The following PSPC1 variants were observed in gnomAD, a reference collection of about 807,000 sequenced individuals.
PSPC1 encodes the protein paraspeckle protein 1.
PSPC1 carries 14 observed loss-of-function variants against 51.6 expected under a neutral mutation model. That is an observed-to-expected ratio of 0.27 (90% CI 0.18 to 0.42). The LOEUF is 0.42. Among genes scored for constraint, PSPC1 ranks in the 10% least tolerant of loss-of-function variants. The pLI is 1.00. For synonymous variants in PSPC1, 193 were observed against 231.9 expected, an observed-to-expected ratio of 0.83 and a Z score of 1.53; for missense variants, 406 against 701.1, an observed-to-expected ratio of 0.58 and a Z score of 4.75.
intron 6 of PSPC1, among the ~76,000 whole-genome samples, chr13:19,688,177 T>C (rs1033296187): frequency 2.6e-5 from 4 of 152,126 alleles, no homozygotes; most frequent in African/African-American, 9.7e-5. Context: ...CCAACTATTG[T>C]ATCTTATATG....
chr13:19,728,519 A>C (rs1404207492), intron 6 of PSPC1, among the ~76,000 whole-genome samples: 1 of 151,822 alleles, frequency 6.6e-6, no homozygotes, highest in Non-Finnish European at 1.5e-5. Context: ...TTCTCCAAAG[A>C]CAGTTTTCAA....
At chr13:19,691,951 C>T (rs991662323) in intron 6 of PSPC1, among the ~76,000 whole-genome samples, 2 of 151,966 alleles carry the variant, frequency 1.3e-5, no homozygotes, top group East Asian at 1.9e-4. Context: ...ATCTGGGAGA[C>T]GGAGGAACCA....
intron 1 of PSPC1, among the ~76,000 whole-genome samples, chr13:19,773,960 T>C (rs1035075352): frequency 6.6e-6 from 1 of 152,130 alleles, no homozygotes; most frequent in African/African-American, 2.4e-5. Context: ...CCCTAGCCAA[T>C]GTCTTCTTAA....
At chr13:19,748,668 C>T (rs183297399) in intron 4 of PSPC1, among the ~76,000 whole-genome samples, 1 of 151,630 alleles carries the variant, frequency 6.6e-6, no homozygotes, top group Non-Finnish European at 1.5e-5. Flanking sequence ...TACCACTGTT[C>T]GTAGCATCAA....
downstream of PSPC1, among the ~76,000 whole-genome samples, chr13:19,700,048 T>A (rs566313033): frequency 6.0e-4 from 92 of 152,160 alleles, no homozygotes; most frequent in African/African-American, 2.2e-3. Flanking sequence ...GCTTTTACCA[T>A]AATATGATCA....
intron 3 of PSPC1, among the ~76,000 whole-genome samples, chr13:19,754,995 G>A (rs1593719939): frequency 6.6e-6 from 1 of 152,154 alleles, no homozygotes; most frequent in Non-Finnish European, 1.5e-5. Context: ...CACTTTGAGA[G>A]GCCAATGCAG....
intron 5 of PSPC1, among the ~76,000 whole-genome samples, chr13:19,733,410 C>A (rs1476531689): frequency 1.3e-5 from 2 of 152,002 alleles, no homozygotes; most frequent in Non-Finnish European, 2.9e-5. Context: ...GAGGTGGAGG[C>A]AGAAGCGAAG....
downstream of PSPC1, among the ~76,000 whole-genome samples, chr13:19,698,416 A>G (rs900199276): frequency 7.9e-5 from 12 of 152,134 alleles, no homozygotes; most frequent in South Asian, 2.1e-4. Context: ...TTATATTACT[A>G]TCAACACAAT....
chr13:19,777,429 CAAAAAAAA>C (rs397938970), intron 1 of PSPC1, among the ~76,000 whole-genome samples: 1,280 of 47,902 alleles, frequency 0.027, 16 homozygotes, highest in Middle Eastern at 0.042. Context: ...GACCTCAGCT[CAAAAAAAA>C]AAAAAAAAAA....
chr13:19,719,625 C>T (rs1370116727), intron 6 of PSPC1, among the ~76,000 whole-genome samples: 2 of 152,156 alleles, frequency 1.3e-5, no homozygotes, highest in Non-Finnish European at 2.9e-5. Context: ...CAAATACATT[C>T]AACAATGTAT....
chr13:19,765,210 G>C (rs949107710), intron 2 of PSPC1, among the ~76,000 whole-genome samples: 2 of 151,528 alleles, frequency 1.3e-5, no homozygotes. Context: ...TGTAATCACA[G>C]CTACTCAGGA....
At chr13:19,752,734 C>T (rs1447418090) in intron 3 of PSPC1, among the ~76,000 whole-genome samples, 16 of 152,078 alleles carry the variant, frequency 1.1e-4, no homozygotes, top group African/African-American at 3.4e-4. Flanking sequence ...TACAGGCGTC[C>T]GCCACCATGC....
intron 6 of PSPC1, among the ~76,000 whole-genome samples, chr13:19,686,373 T>C (rs1877876512): frequency 6.6e-6 from 1 of 152,148 alleles, no homozygotes; most frequent in Admixed American, 6.5e-5. Context: ...TCCACAGTTA[T>C]CCAGGTTGTC....
intron 4 of PSPC1, among the ~76,000 whole-genome samples, chr13:19,749,935 G>A (rs536578857): frequency 2.6e-5 from 4 of 152,218 alleles, no homozygotes; most frequent in East Asian, 1.9e-4. Context: ...TGCTGGGCTC[G>A]ATTTTGTTTT....
chr13:19,707,330 T>C (rs1565978693), intron 7 of PSPC1, among the ~76,000 whole-genome samples: 1 of 152,186 alleles, frequency 6.6e-6, no homozygotes, highest in Non-Finnish European at 1.5e-5. Context: ...TTCCACCACA[T>C]AGCTATAAAT....
chr13:19,721,979 G>A (rs995907569), intron 6 of PSPC1, among the ~76,000 whole-genome samples: 1 of 152,180 alleles, frequency 6.6e-6, no homozygotes, highest in African/African-American at 2.4e-5. Context: ...AAATGCCAAG[G>A]TCTAGTGATC....
chr13:19,737,512 T>C (rs1884974146), intron 5 of PSPC1, among the ~76,000 whole-genome samples: 1 of 152,198 alleles, frequency 6.6e-6, no homozygotes, highest in African/African-American at 2.4e-5. Context: ...GTGAATCATA[T>C]CAAGGGGCTC....
intron 3 of PSPC1, among the ~76,000 whole-genome samples, chr13:19,752,163 T>C (rs1228161450): frequency 6.6e-6 from 1 of 152,204 alleles, no homozygotes; most frequent in East Asian, 1.9e-4. Flanking sequence ...TTACTGAGCG[T>C]TATGTGCCAA....
intron 6 of PSPC1, among the ~76,000 whole-genome samples, chr13:19,726,790 T>C (rs1467585183): frequency 1.3e-5 from 2 of 152,194 alleles, no homozygotes; most frequent in Non-Finnish European, 2.9e-5. Context: ...TCTGCCAACA[T>C]TCCCTTAATC....
Sources: allele counts gnomAD v4.1 joint callset (sites outside exome capture counted in the v4.1 genomes callset), GRCh38; gene constraint gnomAD v4.1.1; transcripts MANE v1.5; gene names NCBI Gene and HGNC (gene_info 2026-07-23, HGNC 2026-07-21).